NCAM1: variants seen among roughly 807,000 people sequenced by gnomAD.
NCAM1 encodes neural cell adhesion molecule 1.
In NCAM1, 14 loss-of-function variants were observed where a neutral mutation model predicts 109.8. The ratio of observed to expected loss-of-function variants is 0.13; its 90% CI spans 0.08 to 0.20. NCAM1 has a LOEUF of 0.20. Ranked by LOEUF, NCAM1 falls within the 10% of genes least tolerant of loss-of-function variation. NCAM1 has a pLI of 1.00. For synonymous variants in NCAM1, 418 were observed against 442.9 expected (o/e 0.94, Z 0.70); for missense variants, 774 against 1,109.9 (o/e 0.70, Z 4.30).
intron 1 of NCAM1, among the ~76,000 whole-genome samples, chr11:113,104,101 T>C (rs899730896): frequency 1.3e-5 from 2 of 151,430 alleles, no homozygotes; most frequent in Non-Finnish European, 2.9e-5. Flanking sequence ...CTTATCCCAG[T>C]ACTGCCTCCA....
At chr11:113,232,457 C>A in intron 11 of NCAM1, 103 bp downstream of exon 11, 1 of 1,237,950 alleles carries the variant, frequency 8.1e-7, no homozygotes, top group Non-Finnish European at 1.1e-6. Flanking sequence ...TCTGGCACAT[C>A]CTGAGCAGGG....
At chr11:112,984,145 A>G (rs1277858654) in intron 1 of NCAM1, among the ~76,000 whole-genome samples, 1 of 151,954 alleles carries the variant, frequency 6.6e-6, no homozygotes, top group Non-Finnish European at 1.5e-5. Context: ...CATATAAATG[A>G]GATCATGCAG....
chr11:113,160,983 C>G (rs1942581604), intron 1 of NCAM1, among the ~76,000 whole-genome samples: 1 of 152,142 alleles, frequency 6.6e-6, no homozygotes, highest in South Asian at 2.1e-4. Flanking sequence ...AACTCCCACT[C>G]CCTATGGATG....
At chr11:113,074,763 C>T (rs181605241) in intron 1 of NCAM1, among the ~76,000 whole-genome samples, 1 of 152,268 alleles carries the variant, frequency 6.6e-6, no homozygotes, top group East Asian at 1.9e-4. Context: ...CCCCAAATAG[C>T]TGGGATTACA....
chr11:113,020,917 C>T (rs1354372509), intron 1 of NCAM1, among the ~76,000 whole-genome samples: 2 of 151,994 alleles, frequency 1.3e-5, no homozygotes, highest in South Asian at 2.1e-4. Context: ...CCACCATGCC[C>T]GACAAATTTT....
chr11:113,129,886 T>G (rs1197784845), intron 1 of NCAM1, among the ~76,000 whole-genome samples: 1 of 152,240 alleles, frequency 6.6e-6, no homozygotes, highest in Non-Finnish European at 1.5e-5. Flanking sequence ...TTTAGCATAA[T>G]GCTCTGGTAG....
intron 13 of NCAM1, 95 bp from the exon 14 acceptor site, chr11:113,234,938 C>T (rs1403089805): frequency 4.3e-6 from 6 of 1,400,674 alleles, no homozygotes; most frequent in Non-Finnish European, 5.7e-6. Flanking sequence ...GATAAATCTA[C>T]AGTTAATTTT....
At chr11:113,111,564 C>A (rs1049347140) in intron 1 of NCAM1, among the ~76,000 whole-genome samples, 2 of 152,080 alleles carry the variant, frequency 1.3e-5, no homozygotes, top group African/African-American at 2.4e-5. Flanking sequence ...GTAATGGAAG[C>A]GTTCTGTATC....
chr11:113,219,852 C>T (rs190039433), intron 8 of NCAM1, among the ~76,000 whole-genome samples: 112 of 152,322 alleles, frequency 7.4e-4, no homozygotes, highest in Non-Finnish European at 1.3e-3. Context: ...GCACATTTGA[C>T]GTGTTGGCCC....
chr11:113,267,372 T>G (rs1591473803), intron 17 of NCAM1, among the ~76,000 whole-genome samples: 1 of 151,466 alleles, frequency 6.6e-6, no homozygotes, highest in African/African-American at 2.4e-5. Context: ...TGGCAGATAG[T>G]AGTTAGAAGA....
At chr11:113,006,714 T>C (rs1295511204) in intron 1 of NCAM1, among the ~76,000 whole-genome samples, 2 of 152,142 alleles carry the variant, frequency 1.3e-5, no homozygotes, top group African/African-American at 4.8e-5. Context: ...GACAAAATGC[T>C]TCCTAAGGTG....
chr11:113,270,353 G>A lies in NCAM1; in HGVS notation c.2297G>A (p.Gly766Glu). The change falls in exon 18 of 20, where the codon GGG becomes GAG. Residue 766 changes from glycine (G) to glutamate (E), a missense_variant. By Grantham distance (98) the Gly-to-Glu change is moderately conservative. Around this residue, in one of 4 missense-constraint regions of NCAM1, gnomAD observed 122 missense variants for 129.7 expected, o/e 0.94. Coordinates refer to ENST00000316851, the MANE Select transcript of NCAM1 (RefSeq NM_181351.5). ...AACCTGTGTGGAAAAGCCGGGCCCG[G>A]GGCCAAGGGCAAGGACATGGAGGAG... ...AVNLCGKAGPGAKGKDMEEGK... is the reference protein window; with the variant it reads ...AVNLCGKAGPEAKGKDMEEGK... 3.1e-6 allele frequency: 5 copies of A among 1,613,980 alleles called. No homozygotes were observed. Among genetic ancestry groups the A allele is most frequent in the Non-Finnish European group, 4.2e-6 (5 of 1,179,896 alleles).
chr11:112,991,082 C>G (rs1448417980), intron 1 of NCAM1, among the ~76,000 whole-genome samples: 3 of 152,054 alleles, frequency 2.0e-5, no homozygotes, highest in African/African-American at 7.2e-5. Flanking sequence ...TACTGGTGTT[C>G]TCTTGTGTTT....
intron 1 of NCAM1, among the ~76,000 whole-genome samples, chr11:113,171,386 C>A (rs1405863382): frequency 6.6e-6 from 1 of 152,140 alleles, no homozygotes; most frequent in African/African-American, 2.4e-5. Flanking sequence ...AATCCCAGCA[C>A]TTTGGGAGGC....
rs780050108 is a variant in NCAM1 at position 113,156,278 on chromosome 11, T to G, written c.53-46101T>G. Among the ~76,000 whole-genome samples, 29 of 152,058 alleles carry G rather than the reference T, an allele frequency of 1.9e-4. 1 individual carries two copies. Among genetic ancestry groups the G allele is most frequent in the Middle Eastern group, 6.3e-3 (2 of 316 alleles). Reference sequence around the variant, plus strand: ...GCTTGGGTGTGAGGATCAAGGGAGATATTGGGTTCTGTGTGGGGCATGTTG... The same window carrying G: ...GCTTGGGTGTGAGGATCAAGGGAGAGATTGGGTTCTGTGTGGGGCATGTTG... On this transcript the variant is annotated intron_variant, in intron 1 of 19. Transcript: ENST00000316851.
intron 1 of NCAM1, among the ~76,000 whole-genome samples, chr11:113,136,637 T>C (rs1292004697): frequency 6.6e-6 from 1 of 152,148 alleles, no homozygotes; most frequent in Non-Finnish European, 1.5e-5. Context: ...AGATTTGTCT[T>C]CTCTCCGTCT....
In NCAM1 at chr11:113,252,799, C is replaced by CTTTTTT. The variant is rs33948720; in HGVS notation, c.1829-3052_1829-3047dup. 6.0e-3 allele frequency among the ~76,000 whole-genome samples: 237 copies of CTTTTTT among 39,716 alleles called. 54 individuals carry two copies. The highest frequency in any genetic ancestry group is 0.012 in the South Asian group (6 of 486). The allele number at this position is 39,716 out of a possible 152,430, so 26.1% of individuals were successfully genotyped here. A position where few individuals can be genotyped will look rare whatever the true frequency, so the allele number is the denominator to read the frequency against. On this transcript the variant is annotated intron_variant, in intron 15 of 19. Coordinates refer to ENST00000316851, the MANE Select transcript of NCAM1 (RefSeq NM_181351.5). ...TACAGGCACATGCCACTATGCCCAG[C>CTTTTTT]TTTTTTTTTTTTTTTTTTTTTTTTT...
intron 1 of NCAM1, among the ~76,000 whole-genome samples, chr11:113,118,423 T>G (rs1940802995): frequency 6.6e-6 from 1 of 151,976 alleles, no homozygotes; most frequent in Non-Finnish European, 1.5e-5. Context: ...TTCTTGGACT[T>G]AAGAAGTTTT....
rs78645852 is a variant in NCAM1 at position 113,235,073 on chromosome 11, C to T, written c.1734C>T (p.Pro578=). The change falls in exon 14 of 20, where the codon CCC becomes CCT. Residue 578 remains proline (P), a synonymous_variant. Coordinates refer to ENST00000316851, the MANE Select transcript of NCAM1 (RefSeq NM_181351.5). ...TCGTCACCATCGTGGGCCTGAAGCC[C>T]GAAACAACGTACGCCGTAAGGCTGG... ...EGIVTIVGLK[P]ETTYAVRLAA... 63 of 1,582,066 alleles carry T rather than the reference C, an allele frequency of 4.0e-5. No individual in the cohort carries two copies. The highest frequency in any genetic ancestry group is 1.5e-4 in the Admixed American group (8 of 54,542).
Sources: gnomAD v4.1 joint callset for allele counts (sites outside exome capture counted in the v4.1 genomes callset) on GRCh38, gnomAD v4.1.1 for gene constraint, gnomAD v4.1.1 regional missense constraint, MANE v1.5 for transcripts, NCBI Gene and HGNC (gene_info 2026-07-23, HGNC 2026-07-21) for gene names.